Variants in AUTS2 observed in about 807,000 individuals in gnomAD.
The protein encoded by AUTS2 is activator of transcription and developmental regulator AUTS2.
A neutral mutation model predicts 112.4 loss-of-function variants in AUTS2; 17 were observed. The observed-to-expected ratio is 0.15, with a 90% CI of 0.10 to 0.23. The LOEUF is 0.23. Ranked by LOEUF, AUTS2 falls within the 10% of genes least tolerant of loss-of-function variation. The probability of loss-of-function intolerance (pLI) is 1.00; values close to 1 mark genes in which losing one functional copy is unlikely to be tolerated. For synonymous variants in AUTS2, 751 were observed against 702.7 expected, an observed-to-expected ratio of 1.07 and a Z score of -1.09; for missense variants, 1,510 against 1,701.6, an observed-to-expected ratio of 0.89 and a Z score of 1.98.
chr7:69,992,063 T>G (rs1798762360), intron 2 of AUTS2, among the ~76,000 whole-genome samples: 1 of 152,342 alleles, frequency 6.6e-6, no homozygotes, highest in African/African-American at 2.4e-5. Context: ...CCAAGAGCTA[T>G]GAAGTCTCAT....
chr7:70,267,002 G>A (rs1787459814), intron 4 of AUTS2, among the ~76,000 whole-genome samples: 1 of 152,148 alleles, frequency 6.6e-6, no homozygotes, highest in African/African-American at 2.4e-5. Context: ...TCTATTGTTG[G>A]TGACAGCGCA....
At chr7:70,501,072 G>A (rs1798754121) in intron 5 of AUTS2, among the ~76,000 whole-genome samples, 2 of 152,136 alleles carry the variant, frequency 1.3e-5, no homozygotes, top group Admixed American at 1.3e-4. Context: ...TTTGAGATAT[G>A]AGGAAAAAAT....
At chr7:70,002,707 A>G (rs949049566) in intron 2 of AUTS2, among the ~76,000 whole-genome samples, 1 of 152,128 alleles carries the variant, frequency 6.6e-6, no homozygotes, top group African/African-American at 2.4e-5. Context: ...AGCTAATGGT[A>G]TTTTCAAGTA....
At chr7:70,581,888 T>C (rs1415217692) in intron 5 of AUTS2, among the ~76,000 whole-genome samples, 2 of 152,200 alleles carry the variant, frequency 1.3e-5, no homozygotes, top group African/African-American at 2.4e-5. Context: ...ATTTTACCAT[T>C]CCCCATTCTA....
At chr7:70,367,058 G>A (rs537696935) in intron 4 of AUTS2, among the ~76,000 whole-genome samples, 4 of 152,244 alleles carry the variant, frequency 2.6e-5, no homozygotes, top group South Asian at 4.1e-4. Flanking sequence ...GCTGAGATGG[G>A]CAGATCACTT....
chr7:70,278,008 T>G (rs923144292), intron 4 of AUTS2, among the ~76,000 whole-genome samples: 3 of 151,540 alleles, frequency 2.0e-5, no homozygotes, highest in Non-Finnish European at 4.4e-5. Context: ...TTAGGAATGC[T>G]TAGTAGGCAT....
At chr7:69,773,123 A>G (rs1034002194) in intron 1 of AUTS2, among the ~76,000 whole-genome samples, 2 of 152,184 alleles carry the variant, frequency 1.3e-5, no homozygotes, top group Non-Finnish European at 2.9e-5. Flanking sequence ...CCGACCTAGT[A>G]TTTATGAGCT....
chr7:70,024,698 G>A (rs890464324), intron 2 of AUTS2, among the ~76,000 whole-genome samples: 2 of 152,050 alleles, frequency 1.3e-5, no homozygotes, highest in African/African-American at 4.8e-5. Context: ...ACTTGATTGT[G>A]GGGGGCTGGC....
chr7:70,131,306 G>T (rs1021588957), intron 3 of AUTS2, among the ~76,000 whole-genome samples: 1 of 152,096 alleles, frequency 6.6e-6, no homozygotes, highest in Non-Finnish European at 1.5e-5. Flanking sequence ...AAATAGCTGG[G>T]CACAGTATCG....
intron 4 of AUTS2, among the ~76,000 whole-genome samples, chr7:70,356,007 C>A (rs551609213): frequency 1.3e-5 from 2 of 152,250 alleles, no homozygotes; most frequent in Admixed American, 6.5e-5. Flanking sequence ...GCAACTGTAC[C>A]TTTAGGGCTG....
At chr7:70,236,517 T>C (rs988499882) in intron 4 of AUTS2, among the ~76,000 whole-genome samples, 2 of 152,224 alleles carry the variant, frequency 1.3e-5, no homozygotes, top group Non-Finnish European at 2.9e-5. Context: ...CTTCCTCTTA[T>C]AATGTTCATG....
intron 2 of AUTS2, among the ~76,000 whole-genome samples, chr7:69,919,051 C>G (rs1214789356): frequency 6.6e-6 from 1 of 152,050 alleles, no homozygotes; most frequent in African/African-American, 2.4e-5. Flanking sequence ...CTCTTAAATT[C>G]TTGTAGCTTG....
chr7:70,680,044 A>G (rs1020289596), intron 5 of AUTS2, among the ~76,000 whole-genome samples: 1 of 152,144 alleles, frequency 6.6e-6, no homozygotes, highest in Non-Finnish European at 1.5e-5. Flanking sequence ...CACCACTTAG[A>G]AGGATTAAAT....
At chr7:69,733,825 C>A (rs1404046150) in intron 1 of AUTS2, among the ~76,000 whole-genome samples, 1 of 152,164 alleles carries the variant, frequency 6.6e-6, no homozygotes, top group South Asian at 2.1e-4. Flanking sequence ...ACTTCCTTAT[C>A]TTCTTTGAGG....
chr7:70,433,241 C>T (rs2130840073), intron 4 of AUTS2, among the ~76,000 whole-genome samples: 1 of 152,270 alleles, frequency 6.6e-6, no homozygotes, highest in South Asian at 2.1e-4. Context: ...GGTTCTTTCC[C>T]AGCTACCCCA....
intron 4 of AUTS2, chr7:70,290,820 G>T (rs1788675374): frequency 3.8e-6 from 1 of 266,036 alleles, no homozygotes; most frequent in African/African-American, 2.3e-5. Context: ...TCATTACATA[G>T]TGTGTATATG....
chr7:70,031,762 C>T (rs1371793489), intron 2 of AUTS2, among the ~76,000 whole-genome samples: 5 of 152,098 alleles, frequency 3.3e-5, no homozygotes, highest in African/African-American at 9.7e-5. Context: ...GTGTATTCAT[C>T]GAGTGAAACT....
At chr7:70,704,443 G>A (rs983548433) in intron 6 of AUTS2, among the ~76,000 whole-genome samples, 8 of 152,190 alleles carry the variant, frequency 5.3e-5, no homozygotes, top group African/African-American at 1.9e-4. Flanking sequence ...TCAGTGGAAA[G>A]CCCTTGACTT....
intron 4 of AUTS2, among the ~76,000 whole-genome samples, chr7:70,317,211 CTG>C (rs1159101083): frequency 6.6e-6 from 1 of 151,540 alleles, no homozygotes; most frequent in Non-Finnish European, 1.5e-5. Context: ...ATACTTTTTC[CTG>C]TGTATATTTT....
Sources: allele counts gnomAD v4.1 joint callset (sites outside exome capture counted in the v4.1 genomes callset), GRCh38; gene constraint gnomAD v4.1.1; transcripts MANE v1.5; gene names NCBI Gene and HGNC (gene_info 2026-07-23, HGNC 2026-07-21).